ALG13: variants seen among roughly 807,000 people sequenced by gnomAD.
The protein encoded by ALG13 is UDP-N-acetylglucosamine transferase subunit ALG13.
Under a neutral mutation model 87.8 loss-of-function variants are expected in ALG13, and 11 were observed. The ratio of observed to expected loss-of-function variants is 0.13; its 90% CI spans 0.08 to 0.21. The LOEUF (loss-of-function observed/expected upper bound fraction) is 0.21, where lower values mean the gene tolerates loss of function less well. ALG13 is among the 10% of genes least tolerant of loss of function. The probability of loss-of-function intolerance (pLI) is 1.00; values close to 1 mark genes in which losing one functional copy is unlikely to be tolerated. For missense variants in ALG13, 756 were observed against 866.1 expected (o/e 0.87, Z 1.60); for synonymous variants, 320 against 306.3 (o/e 1.04, Z -0.47).
At chrX:111,711,268 G>T (rs747385027) in intron 5 of ALG13, among the ~76,000 whole-genome samples, 2 of 112,033 alleles carry the variant, frequency 1.8e-5, no homozygotes, top group South Asian at 7.4e-4. Context: ...TTGTCCCATG[G>T]TCTTTTTAGA....
In ALG13 at chrX:111,708,103, TC is replaced by T. The variant is rs964823190; in HGVS notation, c.461del (p.Ser154Ter). The T allele has an allele frequency of 2.5e-6, 3 of 1,211,503 alleles. No individual in the cohort carries two copies. The highest frequency in any genetic ancestry group is 3.5e-5 in the African/African-American group (2 of 57,779). On this transcript the variant is annotated frameshift_variant, in exon 4 of 27. Transcript: ENST00000394780. LOFTEE classifies it high-confidence loss of function. ...GTGCCAAGATTCTGCAGCGCTGACTTCAACTGCCTTTTCAGGCCTAGACTTT... is the reference window on the plus strand; with the variant it reads ...GTGCCAAGATTCTGCAGCGCTGACTTAACTGCCTTTTCAGGCCTAGACTTT... ...GKCQDSAALT[S>X]TAFSGLDFGL...
intron 3 of ALG13, chrX:111,706,807 G>A (rs1389548339): frequency 9.1e-6 from 1 of 109,934 alleles, no homozygotes; most frequent in African/African-American, 3.3e-5. Context: ...GGCATGCAAA[G>A]GAAGTCAAGA....
intron 3 of ALG13, among the ~76,000 whole-genome samples, chrX:111,685,568 G>A (rs183967645): frequency 7.7e-4 from 86 of 112,279 alleles, no homozygotes; most frequent in Non-Finnish European, 3.8e-4. Context: ...AGGTGCTGTG[G>A]ATACAGTAGT....
At chrX:111,719,127 A>G (rs1298867462) in intron 10 of ALG13, among the ~76,000 whole-genome samples, 1 of 107,954 alleles carries the variant, frequency 9.3e-6, no homozygotes. Flanking sequence ...CCCAGGTTCA[A>G]GCAGTTCTCC....
chrX:111,708,084 A>G lies in ALG13; in HGVS notation c.441A>G (p.Gln147=), dbSNP rs1391605283. Reference sequence around the variant, plus strand: ...TTGCTTCTGCTCCTGGGAAGTGCCAAGATTCTGCAGCGCTGACTTCAACTG... The same window carrying G: ...TTGCTTCTGCTCCTGGGAAGTGCCAGGATTCTGCAGCGCTGACTTCAACTG... ...KSIASAPGKC[Q]DSAALTSTAF... Residue 147 remains glutamine (Q), a synonymous_variant, in exon 4 of 27, where the codon CAA becomes CAG. Transcript: ENST00000394780. 11 of 1,211,148 alleles carry G rather than the reference A, an allele frequency of 9.1e-6. No individual in the cohort carries two copies. The highest frequency in any genetic ancestry group is 1.2e-5 in the Non-Finnish European group (11 of 895,221).
At chrX:111,748,394 G>A (rs895196373) in intron 24 of ALG13, among the ~76,000 whole-genome samples, 5 of 111,839 alleles carry the variant, frequency 4.5e-5, no homozygotes, top group Admixed American at 2.8e-4. Context: ...CTATGTTATC[G>A]TCTAGGAGTT....
intron 11 of ALG13, among the ~76,000 whole-genome samples, chrX:111,720,848 A>G (rs942032776): frequency 3.6e-5 from 4 of 110,484 alleles, no homozygotes; most frequent in African/African-American, 1.3e-4. Context: ...CACTTCCTGA[A>G]TAGCTCTGAA....
chrX:111,681,524 G>C lies in ALG13; in HGVS notation c.81+225G>C, dbSNP rs894066298. 4.9e-5 allele frequency: 48 copies of C among 988,744 alleles called. No homozygotes were observed. In the East Asian group the frequency reaches 1.7e-3, roughly 35 times the overall value. The allele number at this position is 988,744 out of a possible 1,213,427, so 81.5% of individuals were successfully genotyped here. A position where few individuals can be genotyped will look rare whatever the true frequency, so the allele number is the denominator to read the frequency against. ...GCCTGTTTCCTCTTCCCATTATTCC[G>C]GCCGCTCCTCTCCCTCATTTCTTCA... On this transcript the variant is annotated intron_variant, in intron 1 of 26. Coordinates refer to ENST00000394780, the MANE Select transcript of ALG13 (RefSeq NM_001099922.3).
intron 7 of ALG13, 44 bp downstream of exon 7, chrX:111,712,574 A>G: frequency 4.8e-6 from 4 of 830,737 alleles, no homozygotes; most frequent in Non-Finnish European, 6.8e-6. Flanking sequence ...ATGTGCATGC[A>G]TGTGTGTATA....
At chrX:111,701,978 A>G (rs1355474504) in intron 3 of ALG13, among the ~76,000 whole-genome samples, 1 of 111,550 alleles carries the variant, frequency 9.0e-6, no homozygotes, top group East Asian at 2.8e-4. Context: ...TGTGTTTTTC[A>G]AGATTCTTTC....
In ALG13 at chrX:111,715,474, T is replaced by G. The variant is rs774377811; in HGVS notation, c.1005+2177T>G. Among the ~76,000 whole-genome samples, 4 of 112,021 alleles carry G rather than the reference T, an allele frequency of 3.6e-5. No homozygotes were observed. The Admixed American group carries it at 3.8e-4, about 11-fold the overall frequency. ...GGCTAATGCCTGTAATCCCAGCACT[T>G]TGGGAGGTCGAGGTGGGTGGATCAC... On this transcript the variant is annotated intron_variant, in intron 8 of 26. Transcript: ENST00000394780.
chrX:111,720,844 C>G (rs1229439031), intron 11 of ALG13, among the ~76,000 whole-genome samples: 1 of 110,260 alleles, frequency 9.1e-6, no homozygotes, highest in Non-Finnish European at 1.9e-5. Flanking sequence ...ATAACACTTC[C>G]TGAATAGCTC....
intron 19 of ALG13, 112 bp downstream of exon 19, chrX:111,728,417 G>C (rs1298266941): frequency 4.6e-6 from 4 of 864,756 alleles, no homozygotes. Context: ...CAGTAGCTTA[G>C]TTCTGAAAGA....
rs1439644264 is a variant in ALG13 at position 111,727,701 on chromosome X, G to A, written c.2178G>A (p.Arg726=). ...CCCCAGGGAATGGACAGATGCCCAG[G>A]GGCTTGGAAGAAACTATTACTTTTT... The part of the protein sequence containing the change: ...GFTPGNGQMP[R]GLEETITFYE... Residue 726 remains arginine (R), a synonymous_variant, in exon 18 of 27, where the codon AGG becomes AGA. Coordinates refer to ENST00000394780, the MANE Select transcript of ALG13 (RefSeq NM_001099922.3). 1 of 1,209,763 alleles carries A rather than the reference G, an allele frequency of 8.3e-7. No individual in the cohort carries two copies. Among genetic ancestry groups the A allele is most frequent in the East Asian group, 3.0e-5 (1 of 33,802 alleles).
chrX:111,690,595 C>T (rs759948601), intron 3 of ALG13, among the ~76,000 whole-genome samples: 1 of 110,705 alleles, frequency 9.0e-6, no homozygotes, highest in Admixed American at 9.6e-5. Context: ...CACCTTAGAC[C>T]TCTACTTTTT....
At chrX:111,753,507 G>C (rs1323789321) in intron 25 of ALG13, among the ~76,000 whole-genome samples, 2 of 111,777 alleles carry the variant, frequency 1.8e-5, no homozygotes. Flanking sequence ...TCCAGGAGCT[G>C]GTTTGTTTTG....
chrX:111,736,747 T>C lies in ALG13; in HGVS notation c.2563T>C (p.Cys855Arg), dbSNP rs1210850908. 8.3e-7 allele frequency: 1 copy of C among 1,210,901 alleles called. No individual in the cohort carries two copies. The highest frequency in any genetic ancestry group is 2.2e-5 in the Admixed American group (1 of 45,947). Reference protein sequence around the residue: ...MGNIAAVAASCANNVPAPVLS... With the variant: ...MGNIAAVAASRANNVPAPVLS... ...AAATATTGCAGCAGTTGCAGCTTCC[T>C]GTGCCAATAATGTTCCAGCTCCAGT... The change falls in exon 23 of 27, where the codon TGT (cysteine) becomes CGT (arginine). Residue 855 changes from cysteine (C) to arginine (R), a missense_variant. Cys to Arg is a radical substitution (Grantham distance 180, BLOSUM62 -3). Transcript: ENST00000394780.
At chrX:111,703,708 T>C (rs761119721) in intron 3 of ALG13, among the ~76,000 whole-genome samples, 1 of 112,415 alleles carries the variant, frequency 8.9e-6, no homozygotes, top group Non-Finnish European at 1.9e-5. Context: ...TTCATTATTT[T>C]CTATTCCTAG....
chrX:111,713,227 G>A lies in ALG13; in HGVS notation c.935G>A (p.Arg312Gln), dbSNP rs1455053208. ...EIRALSLIYNRDFILYRFPGK... is the reference protein window; with the variant it reads ...EIRALSLIYNQDFILYRFPGK... Reference sequence around the variant, plus strand: ...TTACCTTTGTTTTCCCCATATAGTCGGGATTTCATTCTTTATCGCTTTCCT... The same window carrying A: ...TTACCTTTGTTTTCCCCATATAGTCAGGATTTCATTCTTTATCGCTTTCCT... Residue 312 changes from arginine to glutamine, a missense_variant and splice_region_variant, in exon 8 of 27, where the codon CGG (arginine) becomes CAG (glutamine). By Grantham distance (43) the Arg-to-Gln change is conservative (BLOSUM62 1). Transcript: ENST00000394780. 3.4e-6 allele frequency: 4 copies of A among 1,183,351 alleles called. No individual in the cohort carries two copies. The Admixed American group carries it at 6.7e-5, about 20-fold the overall frequency.
Sources: gnomAD v4.1 joint callset for allele counts (sites outside exome capture counted in the v4.1 genomes callset) on GRCh38, gnomAD v4.1.1 for gene constraint, MANE v1.5 for transcripts, NCBI Gene and HGNC (gene_info 2026-07-23, HGNC 2026-07-21) for gene names.